CACNA1C: variants seen among roughly 807,000 people sequenced by gnomAD.
CACNA1C encodes the protein calcium voltage-gated channel subunit alpha1 C.
In CACNA1C, 30 loss-of-function variants were observed where a neutral mutation model predicts 229.0. That is an observed-to-expected ratio of 0.13 (90% confidence interval 0.10 to 0.18). CACNA1C has a LOEUF of 0.18. CACNA1C is among the 10% of genes least tolerant of loss of function. The pLI, the probability that CACNA1C is intolerant of heterozygous loss-of-function variation, is 1.00. For synonymous variants in CACNA1C, 1,114 were observed against 1,132.5 expected (o/e 0.98, Z 0.33); for missense variants, 1,658 against 2,845.0 (o/e 0.58, Z 9.49).
intron 28 of CACNA1C, among the ~76,000 whole-genome samples, chr12:2,610,925 A>T (rs999724318): frequency 3.3e-5 from 5 of 152,190 alleles, no homozygotes; most frequent in African/African-American, 4.8e-5. Context: ...GAGGAGATGG[A>T]GAAGGGAGGG....
chr12:2,178,239 G>T (rs772022500), intron 3 of CACNA1C, among the ~76,000 whole-genome samples: 1 of 152,198 alleles, frequency 6.6e-6, no homozygotes, highest in African/African-American at 2.4e-5. Context: ...ATATCCATCA[G>T]TTTAACAGGA....
intron 1 of CACNA1C, among the ~76,000 whole-genome samples, chr12:2,089,990 T>C (rs938239644): frequency 3.3e-5 from 5 of 151,986 alleles, no homozygotes; most frequent in East Asian, 3.9e-4. Flanking sequence ...GATCATGCCA[T>C]TGCACTCCAG....
chr12:2,135,771 C>T (rs1327141806), intron 3 of CACNA1C, among the ~76,000 whole-genome samples: 1 of 146,620 alleles, frequency 6.8e-6, no homozygotes, highest in African/African-American at 2.7e-5. Flanking sequence ...TTTGTCTGTG[C>T]CCTGCCCCCA....
intron 9 of CACNA1C, among the ~76,000 whole-genome samples, chr12:2,529,671 T>C (rs1485560376): frequency 6.6e-6 from 1 of 152,248 alleles, no homozygotes; most frequent in African/African-American, 2.4e-5. Flanking sequence ...CATAAATTAA[T>C]TTTTAATCTT....
intron 3 of CACNA1C, among the ~76,000 whole-genome samples, chr12:2,253,274 C>A (rs578177040): frequency 6.6e-6 from 1 of 152,228 alleles, no homozygotes; most frequent in Non-Finnish European, 1.5e-5. Context: ...CTTCGAAGCC[C>A]GTCTAAGCCA....
At chr12:1,993,209 A>C in intron 1 of CACNA1C, 1 of 1,613,070 alleles carries the variant, frequency 6.2e-7, no homozygotes, top group Non-Finnish European at 8.5e-7. Context: ...TACAATTTTA[A>C]ACACTTGGCC....
chr12:2,005,298 G>A (rs2043195319), intron 1 of CACNA1C, among the ~76,000 whole-genome samples: 1 of 152,122 alleles, frequency 6.6e-6, no homozygotes, highest in African/African-American at 2.4e-5. Context: ...CATAAAGCAC[G>A]TCTGCTGCAA....
intron 1 of CACNA1C, among the ~76,000 whole-genome samples, chr12:2,083,580 C>T (rs1313311917): frequency 6.6e-6 from 1 of 152,196 alleles, no homozygotes; most frequent in Admixed American, 6.5e-5. Flanking sequence ...GTTTCCCCAG[C>T]TGTAGATTGG....
intron 3 of CACNA1C, among the ~76,000 whole-genome samples, chr12:2,429,187 C>T (rs930467346): frequency 2.6e-5 from 4 of 151,992 alleles, no homozygotes; most frequent in African/African-American, 9.7e-5. Flanking sequence ...ATAAGGACAT[C>T]AACATATTGG....
intron 6 of CACNA1C, among the ~76,000 whole-genome samples, chr12:2,489,335 A>C (rs2099708705): frequency 6.6e-6 from 1 of 152,170 alleles, no homozygotes; most frequent in South Asian, 2.1e-4. Context: ...AAAATCCATA[A>C]AGAAAGTTAT....
chr12:2,262,074 G>A (rs1484720233), intron 3 of CACNA1C, among the ~76,000 whole-genome samples: 2 of 152,234 alleles, frequency 1.3e-5, no homozygotes, highest in African/African-American at 4.8e-5. Context: ...AAGAGGGCAG[G>A]CAGAGGCTCG....
intron 5 of CACNA1C, among the ~76,000 whole-genome samples, chr12:2,470,480 G>A (rs772380714): frequency 2.6e-5 from 4 of 152,200 alleles, no homozygotes; most frequent in Non-Finnish European, 5.9e-5. Context: ...TACGCAGAAC[G>A]TGAGCCCCAT....
chr12:2,679,908 C>T lies in CACNA1C; in HGVS notation c.5444+112C>T. 1 of 771,578 alleles carries T rather than the reference C, an allele frequency of 1.3e-6. No homozygotes were observed. Among genetic ancestry groups the T allele is most frequent in the South Asian group, 1.9e-5 (1 of 53,380 alleles). 47.8% of individuals were successfully genotyped at this position (771,578 alleles called of 1,614,324 possible). Reference sequence around the variant, plus strand: ...GCCAGCCACTTGTCCCTCAAGCTTCCAGGAGGTTGCTGCCCCAGACTCCAG... The same window carrying T: ...GCCAGCCACTTGTCCCTCAAGCTTCTAGGAGGTTGCTGCCCCAGACTCCAG... On this transcript the variant is annotated intron_variant, in intron 42 of 46. Coordinates refer to ENST00000399655, the MANE Select transcript of CACNA1C (RefSeq NM_000719.7). The surrounding 1 kb of genome is among the most constrained non-coding windows in gnomAD (Gnocchi z 5.5).
chr12:2,166,343 A>AATGG (rs2096230008), intron 3 of CACNA1C, among the ~76,000 whole-genome samples: 1 of 152,208 alleles, frequency 6.6e-6, no homozygotes, highest in Non-Finnish European at 1.5e-5. Flanking sequence ...ACATAAAGAT[A>AATGG]ATGGGCAAGC....
intron 30 of CACNA1C, among the ~76,000 whole-genome samples, chr12:2,644,002 G>A (rs2094051028): frequency 6.6e-6 from 1 of 152,166 alleles, no homozygotes; most frequent in South Asian, 2.1e-4. Flanking sequence ...GGTACTGGCT[G>A]GATGGAGACC....
At chr12:2,327,329 T>C (rs2096356537) in intron 3 of CACNA1C, among the ~76,000 whole-genome samples, 1 of 152,240 alleles carries the variant, frequency 6.6e-6, no homozygotes, top group Non-Finnish European at 1.5e-5. Context: ...TCTTACGAAA[T>C]GAAACACACT....
chr12:2,000,571 A>C (rs1006857041), intron 1 of CACNA1C, among the ~76,000 whole-genome samples: 39 of 152,222 alleles, frequency 2.6e-4, no homozygotes, highest in Non-Finnish European at 5.9e-5. Flanking sequence ...ACTTATAACA[A>C]GTAATTCTTA....
In CACNA1C at chr12:2,646,187, G is replaced by A. The variant is rs2153628996; in HGVS notation, c.3913-2288G>A. 6.6e-6 allele frequency among the ~76,000 whole-genome samples: 1 copy of A among 152,320 alleles called. No homozygotes were observed. Among genetic ancestry groups the A allele is most frequent in the Admixed American group, 6.5e-5 (1 of 15,312 alleles). On this transcript the variant is annotated intron_variant, in intron 30 of 46. Transcript: ENST00000399655. The surrounding 1 kb of genome is among the most constrained non-coding windows in gnomAD (Gnocchi z 4.6). Reference sequence around the variant, plus strand: ...AAATGGGAGCTATAAAATGCAACAAGAAAAAAGACAGTTAAGACAAATGTT... The same window carrying A: ...AAATGGGAGCTATAAAATGCAACAAAAAAAAAGACAGTTAAGACAAATGTT...
chr12:2,134,610 T>C (rs1466964923), intron 3 of CACNA1C, among the ~76,000 whole-genome samples: 99 of 136,090 alleles, frequency 7.3e-4, no homozygotes, highest in African/African-American at 2.6e-3. Context: ...GAAATTCTTT[T>C]CTTTAAGAAT....
Sources: allele counts gnomAD v4.1 joint callset (sites outside exome capture counted in the v4.1 genomes callset), GRCh38; gene constraint gnomAD v4.1.1; non-coding constraint Gnocchi (gnomAD v3.1); transcripts MANE v1.5; gene names NCBI Gene and HGNC (gene_info 2026-07-23, HGNC 2026-07-21).